The following AHI1 variants were observed in gnomAD, a reference collection of about 807,000 sequenced individuals.
The protein encoded by AHI1 is Abelson helper integration site 1, also known as jouberin.
A neutral mutation model predicts 149.3 loss-of-function variants in AHI1; 123 were observed. The observed-to-expected ratio is 0.82, with a 90% CI of 0.71 to 0.96. The LOEUF (loss-of-function observed/expected upper bound fraction) is 0.96. Among genes scored for constraint, AHI1 ranks in the 40% least tolerant of loss-of-function variants. The pLI is 0.00. For synonymous variants in AHI1, 475 were observed against 459.8 expected (o/e 1.03, Z -0.42); for missense variants, 1,439 against 1,422.7 (o/e 1.01, Z -0.18).
chr6:135,337,719 GT>G lies in AHI1; in HGVS notation c.3166-14396del, dbSNP rs1338399667. On this transcript the variant is annotated intron_variant, in intron 24 of 28. Coordinates refer to ENST00000265602, the MANE Select transcript of AHI1 (RefSeq NM_001134831.2). ...CAAGGCTGCAGTGAGCCGTGATGAT[GT>G]TGCTACTGCACTCCAGCCTGGGTTA... 9.8e-4 allele frequency among the ~76,000 whole-genome samples: 136 copies of G among 139,348 alleles called. 1 individual carries two copies. The highest frequency in any genetic ancestry group is 3.6e-3 in the African/African-American group (132 of 36,988). 91.4% of individuals were successfully genotyped at this position (139,348 alleles called of 152,430 possible).
At position 135,429,865 on chromosome 6, in the gene AHI1, C is replaced by G; in HGVS notation, c.2492+17G>C. On this transcript the variant is annotated intron_variant, in intron 18 of 28. Coordinates refer to ENST00000265602, the MANE Select transcript of AHI1 (RefSeq NM_001134831.2). ...ACTCTGTGAGTACTTATCCTGTCAA[C>G]ACTGAAATATACTTACATCCGGAGA... 1 of 1,400,540 alleles carries G rather than the reference C, an allele frequency of 7.1e-7. No individual in the cohort carries two copies. Among genetic ancestry groups the G allele is most frequent in the Non-Finnish European group, 9.9e-7 (1 of 1,008,098 alleles). The allele number at this position is 1,400,540 out of a possible 1,614,324, so 86.8% of individuals were successfully genotyped here.
intron 24 of AHI1, among the ~76,000 whole-genome samples, chr6:135,353,841 C>A (rs567870280): frequency 1.3e-5 from 2 of 152,076 alleles, no homozygotes; most frequent in South Asian, 2.1e-4. Context: ...TGATGAAATA[C>A]CATGTGACAA....
chr6:135,463,201 C>G lies in AHI1; in HGVS notation c.855G>C (p.Met285Ile). 1 of 1,608,782 alleles carries G rather than the reference C, an allele frequency of 6.2e-7. No homozygotes were observed. The highest frequency in any genetic ancestry group is 8.5e-7 in the Non-Finnish European group (1 of 1,179,122). Residue 285 changes from methionine (M) to isoleucine (I), a missense_variant, in exon 8 of 29, where the codon ATG becomes ATC. Coordinates refer to ENST00000265602, the MANE Select transcript of AHI1 (RefSeq NM_001134831.2). ...GCATGCTGTCTTCTGTGCTTTGTTC[C>G]ATTGAGCTTATTTCATCATCTTGAT... ...DSHQDDEISSMEQSTEDSMQD... is the reference protein window; with the variant it reads ...DSHQDDEISSIEQSTEDSMQD...
intron 5 of AHI1, among the ~76,000 whole-genome samples, chr6:135,474,787 G>A (rs372528100): frequency 5.9e-5 from 9 of 152,230 alleles, no homozygotes; most frequent in African/African-American, 2.2e-4. Context: ...TAGACATGGG[G>A]TATTATCCTT....
At chr6:135,468,644 C>CA (rs1255134599) in intron 5 of AHI1, among the ~76,000 whole-genome samples, 1 of 151,760 alleles carries the variant, frequency 6.6e-6, no homozygotes, top group Non-Finnish European at 1.5e-5. Context: ...CAAATAGACA[C>CA]AATAAAAAAT....
In AHI1 at chr6:135,384,892, C is replaced by A. The variant is rs1485258268; in HGVS notation, c.3109+9884G>T. 3.9e-5 allele frequency among the ~76,000 whole-genome samples: 6 copies of A among 152,068 alleles called. 1 individual carries two copies. The highest frequency in any genetic ancestry group is 2.0e-4 in the Admixed American group (3 of 15,262). On this transcript the variant is annotated intron_variant, in intron 23 of 28. Transcript: ENST00000265602. ...TCACCTGAGGTCAGGAGTTCAACAC[C>A]AGCCTGCCCACCATGGTGAAATCCC...
chr6:135,318,419 A>T, intron 26 of AHI1, 100 bp downstream of exon 26: 1 of 804,696 alleles, frequency 1.2e-6, no homozygotes, highest in Non-Finnish European at 2.0e-6. Flanking sequence ...AAATAATGTG[A>T]ACAATGAAGG....
rs374945386 is a variant in AHI1, at chr6:135,323,273, G to A, written c.3217C>T (p.His1073Tyr). The A allele has an allele frequency of 1.9e-6, 3 of 1,613,724 alleles. No individual in the cohort carries two copies. The highest frequency in any genetic ancestry group is 2.5e-6 in the Non-Finnish European group (3 of 1,179,754). Reference protein sequence around the residue: ...TANRSDELTIHRGDIIRVFFK... With the variant: ...TANRSDELTIYRGDIIRVFFK... ...AACACTCGGATAATGTCTCCGCGAT[G>A]GATGGTTAGTTCATCTGATCGATTC... Residue 1073 changes from histidine to tyrosine, a missense_variant, in exon 25 of 29, where the codon CAT becomes TAT. By Grantham distance (83) the His-to-Tyr change is moderately conservative. Coordinates refer to ENST00000265602, the MANE Select transcript of AHI1 (RefSeq NM_001134831.2).
At position 135,465,952 on chromosome 6, in the gene AHI1, A is replaced by G; in HGVS notation, c.611T>C (p.Ile204Thr). The change falls in exon 7 of 29, where the codon ATT becomes ACT. Residue 204 changes from isoleucine to threonine, a missense_variant. Ile to Thr is a moderately conservative substitution (Grantham distance 89, BLOSUM62 -1). Transcript: ENST00000265602. ...CAGTTTCTTTCTTATTTTCCTCTTAATCTCCTTTGCCATTTCTTCAGTTAC... is the reference window on the plus strand; with the variant it reads ...CAGTTTCTTTCTTATTTTCCTCTTAGTCTCCTTTGCCATTTCTTCAGTTAC... ...CHVTEEMAKE[I>T]KRKIRKKLKE... is the part of the protein sequence containing the mutation. 6.2e-7 allele frequency: 1 copy of G among 1,611,142 alleles called. No individual in the cohort carries two copies. The highest frequency in any genetic ancestry group is 1.3e-5 in the African/African-American group (1 of 74,900).
chr6:135,316,947 T>C (rs1312621462), intron 26 of AHI1, among the ~76,000 whole-genome samples: 5 of 152,134 alleles, frequency 3.3e-5, no homozygotes, highest in South Asian at 4.1e-4. Flanking sequence ...TCTTCCCAAA[T>C]CTTTCTTATT....
intron 24 of AHI1, among the ~76,000 whole-genome samples, chr6:135,340,504 T>C (rs535462187): frequency 3.3e-5 from 5 of 151,404 alleles, no homozygotes; most frequent in South Asian, 2.1e-4. Context: ...AGAGAGTTTG[T>C]TGCTTGTGGA....
chr6:135,432,116 C>T (rs1784748995), intron 16 of AHI1, among the ~76,000 whole-genome samples: 1 of 151,412 alleles, frequency 6.6e-6, no homozygotes, highest in African/African-American at 2.4e-5. Context: ...TTTCAGATAC[C>T]TTTCTATTCA....
chr6:135,318,340 C>T (rs1015408334), intron 26 of AHI1, 179 bp downstream of exon 26: 1 of 555,270 alleles, frequency 1.8e-6, no homozygotes, highest in Non-Finnish European at 3.1e-6. Flanking sequence ...TCCTCAGTTT[C>T]CTTATCTGGA....
rs139676133 is a variant in AHI1, at chr6:135,458,853, G to A, written c.932-1140C>T. On this transcript the variant is annotated intron_variant, in intron 8 of 28. Coordinates refer to ENST00000265602, the MANE Select transcript of AHI1 (RefSeq NM_001134831.2). ...GAAGGGCAAAACTGGATCTCCCATC[G>A]TATTTAGGGCTATGAATTATTAGAG... Among the ~76,000 whole-genome samples, 499 of 152,272 alleles carry A rather than the reference G, an allele frequency of 3.3e-3. 3 individuals carry two copies. Among genetic ancestry groups the A allele is most frequent in the African/African-American group, 0.011 (458 of 41,554 alleles).
chr6:135,389,588 T>C (rs1436409750), intron 23 of AHI1, among the ~76,000 whole-genome samples: 3 of 152,204 alleles, frequency 2.0e-5, no homozygotes, highest in Non-Finnish European at 4.4e-5. Context: ...AAAAATCATG[T>C]CATCCCTATC....
intron 15 of AHI1, among the ~76,000 whole-genome samples, chr6:135,436,272 G>T (rs1467997188): frequency 1.3e-5 from 2 of 152,136 alleles, no homozygotes; most frequent in African/African-American, 4.8e-5. Flanking sequence ...GATAGAACTG[G>T]TCAGAGTAAT....
At chr6:135,449,159 G>A (rs1263542686) in intron 11 of AHI1, among the ~76,000 whole-genome samples, 1 of 151,970 alleles carries the variant, frequency 6.6e-6, no homozygotes, top group Non-Finnish European at 1.5e-5. Context: ...AGTGATTCTT[G>A]TGCCTCAGCC....
Position 135,433,162 on chromosome 6 carries a change from C to T in AHI1, c.2131G>A (p.Glu711Lys). ...TCATAGCATCCTGTAACTACTAGCT[C>T]TCTTACAGCTGGATGGAATTTAGCC... Reference protein sequence around the residue: ...YTAKFHPAVRELVVTGCYDSM... With the variant: ...YTAKFHPAVRKLVVTGCYDSM... Residue 711 changes from glutamate (E) to lysine (K), a missense_variant, in exon 16 of 29, where the codon GAG becomes AAG. Physicochemically the swap from Glu to Lys is moderately conservative, Grantham distance 56. Transcript: ENST00000265602. 6.2e-7 allele frequency: 1 copy of T among 1,612,960 alleles called. No homozygotes were observed.
chr6:135,466,252 G>C lies in AHI1; in HGVS notation c.311C>G (p.Thr104Arg). ...ATTAGGATTTTCAGTTGCTAACTGT[G>C]TGTTCCTCAATTTGTTTTTAGTGAC... Reference protein sequence around the residue: ...TRVTKNKLRNTQLATENPNGD... With the variant: ...TRVTKNKLRNRQLATENPNGD... The change falls in exon 7 of 29, where the codon ACA becomes AGA. Residue 104 changes from threonine (T) to arginine (R), a missense_variant. Coordinates refer to ENST00000265602, the MANE Select transcript of AHI1 (RefSeq NM_001134831.2). 6.2e-7 allele frequency: 1 copy of C among 1,613,896 alleles called. No individual in the cohort carries two copies. The highest frequency in any genetic ancestry group is 1.7e-5 in the Admixed American group (1 of 60,024).
Sources: gnomAD v4.1 joint callset for allele counts (sites outside exome capture counted in the v4.1 genomes callset) on GRCh38, gnomAD v4.1.1 for gene constraint, MANE v1.5 for transcripts, NCBI Gene and HGNC (gene_info 2026-07-23, HGNC 2026-07-21) for gene names.